The following MPP7 variants were observed in gnomAD, a reference collection of about 807,000 sequenced individuals.
MPP7 encodes the protein MAGUK p55 scaffold protein 7, also known as MAGUK p55 subfamily member 7.
A neutral mutation model predicts 76.5 loss-of-function variants in MPP7; 60 were observed. The ratio of observed to expected loss-of-function variants is 0.78; its 90% CI spans 0.64 to 0.97. The LOEUF is 0.97. Ranked by LOEUF, MPP7 falls within the 50% of genes least tolerant of loss-of-function variation. MPP7 has a pLI of 0.00. For missense variants in MPP7, 641 were observed against 694.0 expected, an observed-to-expected ratio of 0.92 and a Z score of 0.86; for synonymous variants, 237 against 244.5, an observed-to-expected ratio of 0.97 and a Z score of 0.29.
At chr10:28,102,617 C>G (rs1853877582) in intron 11 of MPP7, among the ~76,000 whole-genome samples, 1 of 152,172 alleles carries the variant, frequency 6.6e-6, no homozygotes, top group African/African-American at 2.4e-5. Flanking sequence ...CTCAGCCCAA[C>G]CTACTCCTCT....
rs1588863478 is a variant in MPP7 at position 28,158,457 on chromosome 10, T to C, written c.157-8398A>G. On this transcript the variant is annotated intron_variant, in intron 3 of 16. Transcript: ENST00000683449. ...GGGGGGCCCACAGCCTAGTGAAGAG[T>C]AGAATAATGGAGGTAAGTCTCTGAG... Among the ~76,000 whole-genome samples, 6 of 150,772 alleles carry C rather than the reference T, an allele frequency of 4.0e-5. No individual in the cohort carries two copies. In the South Asian group the frequency reaches 1.3e-3, roughly 32 times the overall value.
At chr10:28,184,736 T>C (rs1030974427) in intron 3 of MPP7, among the ~76,000 whole-genome samples, 1 of 147,912 alleles carries the variant, frequency 6.8e-6, no homozygotes, top group Non-Finnish European at 1.5e-5. Flanking sequence ...TCCTAATATA[T>C]AGTAATATAA....
At chr10:28,071,620 T>A (rs1852244127) in intron 12 of MPP7, among the ~76,000 whole-genome samples, 1 of 152,126 alleles carries the variant, frequency 6.6e-6, no homozygotes, top group African/African-American at 2.4e-5. Context: ...ATTAATACAT[T>A]GACCTAACTA....
chr10:28,239,130 AATTTTTATTTTTTT>A (rs1839178173), intron 1 of MPP7, among the ~76,000 whole-genome samples: 4 of 145,752 alleles, frequency 2.7e-5, no homozygotes, highest in African/African-American at 1.1e-4. Flanking sequence ...AGCAACTTAT[AATTTTTATTTTTTT>A]ATTTTTATTT....
intron 3 of MPP7, among the ~76,000 whole-genome samples, chr10:28,169,552 C>T (rs1288576806): frequency 2.0e-5 from 3 of 152,154 alleles, no homozygotes; most frequent in Non-Finnish European, 4.4e-5. Context: ...AGATAATTGC[C>T]ATCTTTACAA....
rs547280552 is a variant in MPP7 at position 28,052,800 on chromosome 10, G to A, written c.*1265C>T. The A allele has an allele frequency of 6.6e-6, 1 of 150,944 alleles. No homozygotes were observed. Among genetic ancestry groups the A allele is most frequent in the Non-Finnish European group, 1.5e-5 (1 of 67,832 alleles). 9.4% of individuals were successfully genotyped at this position (150,944 alleles called of 1,614,324 possible). ...AAAATAACATTTTTTTTTCCACTTT[G>A]AAAGTCACAGATGCAATGATTTTCG... On this transcript the variant is annotated 3_prime_UTR_variant, in exon 17 of 17. Transcript: ENST00000683449.
intron 5 of MPP7, among the ~76,000 whole-genome samples, chr10:28,134,170 C>CA: frequency 6.6e-6 from 1 of 152,166 alleles, no homozygotes; most frequent in Non-Finnish European, 1.5e-5. Flanking sequence ...AGCTTTCTAA[C>CA]ATGATCCCAA....
intron 2 of MPP7, among the ~76,000 whole-genome samples, chr10:28,238,024 C>T (rs963536791): frequency 4.6e-5 from 7 of 151,694 alleles, no homozygotes; most frequent in African/African-American, 1.5e-4. Context: ...ATCTCAAAGT[C>T]TTATAACTGA....
intron 2 of MPP7, among the ~76,000 whole-genome samples, chr10:28,325,957 C>T (rs1389517031): frequency 3.2e-5 from 4 of 126,806 alleles, no homozygotes; most frequent in African/African-American, 1.2e-4. Context: ...GCCAGGGTGA[C>T]AGAGTGAGAC....
intron 13 of MPP7, 50 bp downstream of exon 13, chr10:28,069,722 A>G: frequency 1.4e-6 from 2 of 1,386,118 alleles, no homozygotes; most frequent in Non-Finnish European, 1.9e-6. Flanking sequence ...TTAAAAATTT[A>G]AAATTATCGT....
At chr10:28,311,563 C>T (rs746445548) in intron 2 of MPP7, among the ~76,000 whole-genome samples, 3 of 149,228 alleles carry the variant, frequency 2.0e-5, no homozygotes, top group Admixed American at 6.7e-5. Flanking sequence ...AAGTTGTGTC[C>T]GGTAATATAT....
intron 2 of MPP7, among the ~76,000 whole-genome samples, chr10:28,315,070 C>A (rs1019766181): frequency 3.3e-5 from 5 of 151,920 alleles, no homozygotes; most frequent in Non-Finnish European, 7.4e-5. Context: ...ATTGCTTGAG[C>A]CCAGGAGTTT....
At chr10:28,331,721 C>T (rs2133193599) in intron 1 of MPP7, among the ~76,000 whole-genome samples, 1 of 152,138 alleles carries the variant, frequency 6.6e-6, no homozygotes, top group East Asian at 1.9e-4. Context: ...ATTACAGGTG[C>T]ACACCACCAT....
chr10:28,106,440 G>A (rs1483528634), intron 11 of MPP7, among the ~76,000 whole-genome samples: 2 of 152,118 alleles, frequency 1.3e-5, no homozygotes, highest in African/African-American at 4.8e-5. Flanking sequence ...GATTTCCTTA[G>A]AAAGTTAATC....
intron 12 of MPP7, among the ~76,000 whole-genome samples, chr10:28,082,174 T>C (rs1391175310): frequency 6.6e-6 from 1 of 152,174 alleles, no homozygotes; most frequent in African/African-American, 2.4e-5. Flanking sequence ...AATCATAAAC[T>C]AAACAGTAAA....
intron 1 of MPP7, among the ~76,000 whole-genome samples, chr10:28,294,224 G>A (rs1316270922): frequency 1.3e-5 from 2 of 152,172 alleles, no homozygotes; most frequent in South Asian, 2.1e-4. Context: ...GGAGAATGGC[G>A]TGAAGCCGGG....
At chr10:28,206,859 G>A (rs1461465054) in intron 2 of MPP7, among the ~76,000 whole-genome samples, 1 of 152,050 alleles carries the variant, frequency 6.6e-6, no homozygotes, top group Non-Finnish European at 1.5e-5. Context: ...GCAAATGTGA[G>A]GTCACAACCT....
rs1047877910 is a variant in MPP7, at chr10:28,079,355, A to G, written c.1124-9503T>C. ...CTGATACAGACATATACCACAAAAA[A>G]AAAAAGAAAGAAACAAGCCAGGTGC... is the stretch of plus-strand genomic sequence containing the variant. On this transcript the variant is annotated intron_variant, in intron 12 of 16. Coordinates refer to ENST00000683449, the MANE Select transcript of MPP7 (RefSeq NM_001318170.2). Among the ~76,000 whole-genome samples the G allele has an allele frequency of 2.0e-4, 31 of 152,096 alleles. 1 individual carries two copies. Among genetic ancestry groups the G allele is most frequent in the Admixed American group, 1.9e-3 (29 of 15,248 alleles).
In MPP7 at chr10:28,054,154, G is replaced by A. The variant is rs1409138735; in HGVS notation, c.1642C>T (p.Leu548Phe). The change falls in exon 17 of 17, where the codon CTC (leucine) becomes TTC (phenylalanine). Residue 548 changes from leucine to phenylalanine, a missense_variant. Coordinates refer to ENST00000683449, the MANE Select transcript of MPP7 (RefSeq NM_001318170.2). ...LFDKIIINDD[L>F]TVAFNELKTT... Reference sequence around the variant, plus strand: ...TTGAGCTCATTGAATGCCACAGTGAGGTCATCATTTATTATAATTTTGTCA... The same window carrying A: ...TTGAGCTCATTGAATGCCACAGTGAAGTCATCATTTATTATAATTTTGTCA... The A allele has an allele frequency of 1.2e-6, 2 of 1,609,976 alleles. No individual in the cohort carries two copies. Among genetic ancestry groups the A allele is most frequent in the Non-Finnish European group, 1.7e-6 (2 of 1,176,986 alleles).
Sources: gnomAD v4.1 joint callset for allele counts (sites outside exome capture counted in the v4.1 genomes callset) on GRCh38, gnomAD v4.1.1 for gene constraint, MANE v1.5 for transcripts, NCBI Gene and HGNC (gene_info 2026-07-23, HGNC 2026-07-21) for gene names.